Variants in LEPR observed in about 807,000 individuals in gnomAD.
The protein encoded by LEPR is OB receptor.
A neutral mutation model predicts 114.7 loss-of-function variants in LEPR; 56 were observed. The ratio of observed to expected loss-of-function variants is 0.49; its 90% CI spans 0.39 to 0.61. The LOEUF is 0.61. Among genes scored for constraint, LEPR ranks in the 20% least tolerant of loss-of-function variants. The pLI, the probability that LEPR is intolerant of heterozygous loss-of-function variation, is 0.00. For missense variants in LEPR, 1,202 were observed against 1,352.9 expected, an observed-to-expected ratio of 0.89 and a Z score of 1.75; for synonymous variants, 443 against 461.4, an observed-to-expected ratio of 0.96 and a Z score of 0.51.
intron 2 of LEPR, among the ~76,000 whole-genome samples, chr1:65,426,878 T>G (rs915964318): frequency 4.6e-5 from 7 of 151,946 alleles, no homozygotes; most frequent in African/African-American, 1.7e-4. Context: ...CACGCCTGTA[T>G]TCCCAGCTAC....
At chr1:65,628,599 C>T (rs1393218692) in intron 19 of LEPR, among the ~76,000 whole-genome samples, 2 of 152,134 alleles carry the variant, frequency 1.3e-5, no homozygotes, top group African/African-American at 2.4e-5. Context: ...GTTTTGAGCT[C>T]TCTCCAAGTT....
chr1:65,475,162 C>T (rs1280600759), intron 2 of LEPR, among the ~76,000 whole-genome samples: 2 of 151,654 alleles, frequency 1.3e-5, no homozygotes, highest in African/African-American at 4.8e-5. Context: ...CATCAGTTTT[C>T]AAGAACATTA....
intron 2 of LEPR, among the ~76,000 whole-genome samples, chr1:65,502,881 G>C (rs540466333): frequency 3.3e-5 from 5 of 151,576 alleles, no homozygotes; most frequent in Non-Finnish European, 7.4e-5. Flanking sequence ...GAGAATGGGG[G>C]TGGGGGAGCT....
intron 14 of LEPR, among the ~76,000 whole-genome samples, chr1:65,614,992 G>T (rs1657436843): frequency 6.6e-6 from 1 of 151,718 alleles, no homozygotes; most frequent in South Asian, 2.1e-4. Context: ...CTTACTTGAT[G>T]GTTACCAAAA....
chr1:65,542,416 T>G (rs897749542), intron 2 of LEPR, among the ~76,000 whole-genome samples: 2 of 152,142 alleles, frequency 1.3e-5, no homozygotes, highest in Admixed American at 1.3e-4. Context: ...ATTAAAATAC[T>G]TGTTTTTCAG....
chr1:65,519,438 C>T (rs1649519348), intron 2 of LEPR, among the ~76,000 whole-genome samples: 1 of 152,044 alleles, frequency 6.6e-6, no homozygotes, highest in African/African-American at 2.4e-5. Context: ...GTGTGAGCCA[C>T]TGTGCCTGGT....
At chr1:65,568,205 C>T (rs1653908434) in intron 3 of LEPR, among the ~76,000 whole-genome samples, 1 of 152,058 alleles carries the variant, frequency 6.6e-6, no homozygotes, top group Non-Finnish European at 1.5e-5. Context: ...GTTTCTTTCC[C>T]TTAGTAATAT....
intron 2 of LEPR, among the ~76,000 whole-genome samples, chr1:65,518,901 C>CTTTCTTTCTTTCT (rs1553160624): frequency 1.1e-5 from 1 of 94,028 alleles, no homozygotes; most frequent in African/African-American, 3.7e-5. Flanking sequence ...TTCTTTCTTT[C>CTTTCTTTCTTTCT]TTTCTTTCTT....
intron 11 of LEPR, among the ~76,000 whole-genome samples, chr1:65,608,224 G>A (rs1473092332): frequency 6.7e-6 from 1 of 149,658 alleles, no homozygotes; most frequent in Non-Finnish European, 1.5e-5. Flanking sequence ...CATGTGTTCA[G>A]CATGGTATCT....
Position 65,598,684 on chromosome 1 carries a change from T to C in LEPR, c.874T>C (p.Ser292Pro). The change falls in exon 8 of 20, where the codon TCC (serine) becomes CCC (proline). Residue 292 changes from serine to proline, a missense_variant. Physicochemically the swap from Ser to Pro is moderately conservative, Grantham distance 74. Coordinates refer to ENST00000349533, the MANE Select transcript of LEPR (RefSeq NM_002303.6). ...GGCTGACAAGATTGTCTCAGCTACATCCCTGCTAGTAGACAGTATACTTCC... is the reference window on the plus strand; with the variant it reads ...GGCTGACAAGATTGTCTCAGCTACACCCCTGCTAGTAGACAGTATACTTCC... ...READKIVSAT[S>P]LLVDSILPGS... 1.2e-6 allele frequency: 2 copies of C among 1,613,428 alleles called. No individual in the cohort carries two copies. The highest frequency in any genetic ancestry group is 1.7e-6 in the Non-Finnish European group (2 of 1,179,638).
At chr1:65,439,828 C>CAA (rs34603511) in intron 2 of LEPR, among the ~76,000 whole-genome samples, 35 of 56,576 alleles carry the variant, frequency 6.2e-4, no homozygotes, top group Admixed American at 1.3e-3. Flanking sequence ...AACTCCATCT[C>CAA]AAAAAAAAAA....
At chr1:65,565,689 C>A in intron 3 of LEPR, 84 bp downstream of exon 3, 2 of 1,488,246 alleles carry the variant, frequency 1.3e-6, no homozygotes, top group Non-Finnish European at 1.9e-6. Flanking sequence ...TATTTATTAG[C>A]TAACAGAATT....
chr1:65,424,218 C>A (rs1376250498), intron 1 of LEPR, among the ~76,000 whole-genome samples: 1 of 152,220 alleles, frequency 6.6e-6, no homozygotes, highest in African/African-American at 2.4e-5. Context: ...ACAGGGAATA[C>A]ATATTTTATT....
intron 10 of LEPR, among the ~76,000 whole-genome samples, chr1:65,604,425 A>G (rs540379859): frequency 2.0e-5 from 3 of 152,044 alleles, no homozygotes; most frequent in Admixed American, 2.0e-4. Flanking sequence ...GTTCACTGCA[A>G]CCTCCGCCTC....
intron 2 of LEPR, among the ~76,000 whole-genome samples, chr1:65,427,057 C>T (rs570708309): frequency 1.1e-4 from 17 of 151,908 alleles, no homozygotes; most frequent in African/African-American, 4.1e-4. Context: ...GTTATTATGA[C>T]AGTGATGAAT....
At chr1:65,599,759 T>C (rs1656319184) in intron 8 of LEPR, among the ~76,000 whole-genome samples, 2 of 152,124 alleles carry the variant, frequency 1.3e-5, no homozygotes, top group African/African-American at 4.8e-5. Context: ...ACATTGGTCA[T>C]GTGAAGAAAA....
chr1:65,453,849 G>A lies in LEPR; in HGVS notation c.-21+28471G>A, dbSNP rs573915877. Among the ~76,000 whole-genome samples, 14 of 151,792 alleles carry A rather than the reference G, an allele frequency of 9.2e-5. No individual in the cohort carries two copies. In the East Asian group the frequency reaches 2.1e-3, roughly 23 times the overall value. ...TCCTGGGTATCCTTGTTGACTTTCT[G>A]TCTCGTTGATCTGTCTAATGTTGAC... is the stretch of plus-strand genomic sequence containing the variant. On this transcript the variant is annotated intron_variant, in intron 2 of 19. Coordinates refer to ENST00000349533, the MANE Select transcript of LEPR (RefSeq NM_002303.6).
rs1425722530 is a variant in LEPR at position 65,638,042 on chromosome 1, CTT to C, written c.*1028_*1029del. On this transcript the variant is annotated 3_prime_UTR_variant, in exon 20 of 20. Transcript: ENST00000349533. ...ATAGCCATCAATTTAAAAAAACTGA[CTT>C]GTAATCAAAATTTATTAAGTAGAGG... 1.3e-5 allele frequency: 2 copies of C among 152,224 alleles called. No individual in the cohort carries two copies. The highest frequency in any genetic ancestry group is 4.8e-5 in the African/African-American group (2 of 41,566). 9.4% of individuals were successfully genotyped at this position (152,224 alleles called of 1,614,324 possible).
At chr1:65,603,965 A>C (rs1656635407) in intron 10 of LEPR, among the ~76,000 whole-genome samples, 1 of 152,152 alleles carries the variant, frequency 6.6e-6, no homozygotes. Flanking sequence ...TTGAACTAGA[A>C]AATTATATTC....
Sources: allele counts gnomAD v4.1 joint callset (sites outside exome capture counted in the v4.1 genomes callset), GRCh38; gene constraint gnomAD v4.1.1; transcripts MANE v1.5; gene names NCBI Gene and HGNC (gene_info 2026-07-23, HGNC 2026-07-21).